FBXL7: variants seen among roughly 807,000 people sequenced by gnomAD.
The protein encoded by FBXL7 is F-box/LRR-repeat protein 7.
A neutral mutation model predicts 38.3 loss-of-function variants in FBXL7; 12 were observed. The ratio of observed to expected loss-of-function variants is 0.31; its 90% confidence interval spans 0.20 to 0.51. The LOEUF is 0.51. Among genes scored for constraint, FBXL7 ranks in the 20% least tolerant of loss-of-function variants. The pLI is 0.98. For synonymous variants in FBXL7, 297 were observed against 300.9 expected, an observed-to-expected ratio of 0.99 and a Z score of 0.13; for missense variants, 567 against 676.4, an observed-to-expected ratio of 0.84 and a Z score of 1.79.
chr5:15,680,675 T>C (rs1016209386), intron 2 of FBXL7, among the ~76,000 whole-genome samples: 2 of 152,156 alleles, frequency 1.3e-5, no homozygotes, highest in African/African-American at 4.8e-5. Flanking sequence ...ACGTCATGAG[T>C]GTGAGCCAGC....
At chr5:15,535,227 A>G (rs1737546508) in intron 1 of FBXL7, among the ~76,000 whole-genome samples, 2 of 152,210 alleles carry the variant, frequency 1.3e-5, no homozygotes, top group African/African-American at 4.8e-5. Flanking sequence ...AGTGAAAAAA[A>G]GCGAAATAAT....
At chr5:15,803,676 C>A (rs1219477033) in intron 2 of FBXL7, among the ~76,000 whole-genome samples, 2 of 152,122 alleles carry the variant, frequency 1.3e-5, no homozygotes, top group South Asian at 2.1e-4. Flanking sequence ...GATGACCTAC[C>A]TAGCCTTTTC....
intron 2 of FBXL7, among the ~76,000 whole-genome samples, chr5:15,789,743 C>G (rs1168205893): frequency 6.6e-6 from 1 of 152,212 alleles, no homozygotes; most frequent in Admixed American, 6.5e-5. Flanking sequence ...AGTTCCCTGA[C>G]TCTGTTCCTA....
At chr5:15,824,914 A>G (rs970153510) in intron 2 of FBXL7, among the ~76,000 whole-genome samples, 1 of 152,226 alleles carries the variant, frequency 6.6e-6, no homozygotes, top group African/African-American at 2.4e-5. Context: ...GATTCTGAGA[A>G]GCTAGAAGAG....
At chr5:15,629,306 T>G (rs1189397396) in intron 2 of FBXL7, among the ~76,000 whole-genome samples, 2 of 151,936 alleles carry the variant, frequency 1.3e-5, no homozygotes, top group Non-Finnish European at 2.9e-5. Flanking sequence ...GAGACACAAG[T>G]ATGGGAGTCA....
intron 1 of FBXL7, among the ~76,000 whole-genome samples, chr5:15,538,435 T>C (rs1737647230): frequency 6.6e-6 from 1 of 152,238 alleles, no homozygotes; most frequent in Non-Finnish European, 1.5e-5. Flanking sequence ...AGGACTATTA[T>C]CTTCAGGGGG....
At chr5:15,885,647 T>C (rs1740645127) in intron 2 of FBXL7, among the ~76,000 whole-genome samples, 1 of 152,262 alleles carries the variant, frequency 6.6e-6, no homozygotes, top group South Asian at 2.1e-4. Flanking sequence ...AATGCCTGGT[T>C]CTGTATCTGT....
chr5:15,651,363 G>A (rs1741704818), intron 2 of FBXL7, among the ~76,000 whole-genome samples: 1 of 152,010 alleles, frequency 6.6e-6, no homozygotes, highest in Non-Finnish European at 1.5e-5. Flanking sequence ...CCAAAGTGCT[G>A]GGATTACAAG....
chr5:15,557,547 G>A (rs569503788), intron 1 of FBXL7, among the ~76,000 whole-genome samples: 1 of 152,298 alleles, frequency 6.6e-6, no homozygotes, highest in East Asian at 1.9e-4. Context: ...CCATTACACT[G>A]TTTCATAAAA....
chr5:15,577,112 C>T (rs567835337), intron 1 of FBXL7, among the ~76,000 whole-genome samples: 2 of 152,292 alleles, frequency 1.3e-5, no homozygotes, highest in Non-Finnish European at 2.9e-5. Context: ...GATAACAATG[C>T]GTCCTAGGAG....
Position 15,877,446 on chromosome 5 carries a change from T to C in FBXL7, c.128-50444T>C, listed in dbSNP as rs571831197. 1.6e-4 allele frequency among the ~76,000 whole-genome samples: 25 copies of C among 152,346 alleles called. No individual in the cohort carries two copies. The South Asian group carries it at 5.2e-3, about 32-fold the overall frequency. On this transcript the variant is annotated intron_variant, in intron 2 of 3. Transcript: ENST00000504595. Reference sequence around the variant, plus strand: ...CCTGTTAATTTTCATGAGGGATTCATTTAATCGTATTTCAATTCCATAGAG... The same window carrying C: ...CCTGTTAATTTTCATGAGGGATTCACTTAATCGTATTTCAATTCCATAGAG...
rs143553498 is a variant in FBXL7 at position 15,639,628 on chromosome 5, T to C, written c.127+23556T>C. On this transcript the variant is annotated intron_variant, in intron 2 of 3. Coordinates refer to ENST00000504595, the MANE Select transcript of FBXL7 (RefSeq NM_012304.5). Reference sequence around the variant, plus strand: ...TATTAGCAGTGTGAAAACAGACTAATACAGACATATACAAAACTCAAGTTT... The same window carrying C: ...TATTAGCAGTGTGAAAACAGACTAACACAGACATATACAAAACTCAAGTTT... 3.2e-3 allele frequency among the ~76,000 whole-genome samples: 485 copies of C among 152,196 alleles called. 3 individuals carry two copies. Among genetic ancestry groups the C allele is most frequent in the African/African-American group, 0.011 (453 of 41,520 alleles).
At chr5:15,923,188 C>T (rs1741792077) in intron 2 of FBXL7, among the ~76,000 whole-genome samples, 1 of 152,208 alleles carries the variant, frequency 6.6e-6, no homozygotes, top group Non-Finnish European at 1.5e-5. Context: ...TGTTTCTACT[C>T]TCAGAAGAAT....
chr5:15,913,673 T>G (rs1235859506), intron 2 of FBXL7, among the ~76,000 whole-genome samples: 4 of 152,224 alleles, frequency 2.6e-5, no homozygotes, highest in Admixed American at 6.5e-5. Flanking sequence ...AAGAATTATC[T>G]GACAATTGAA....
intron 1 of FBXL7, among the ~76,000 whole-genome samples, chr5:15,550,277 G>C (rs955243868): frequency 2.0e-5 from 3 of 152,154 alleles, no homozygotes; most frequent in African/African-American, 7.2e-5. Flanking sequence ...TAAGCTGTTG[G>C]GAGATAGCTG....
At chr5:15,645,296 C>T (rs1216545707) in intron 2 of FBXL7, among the ~76,000 whole-genome samples, 1 of 152,116 alleles carries the variant, frequency 6.6e-6, no homozygotes, top group Non-Finnish European at 1.5e-5. Flanking sequence ...CAACCTGCCT[C>T]CCATTCTACT....
intron 2 of FBXL7, among the ~76,000 whole-genome samples, chr5:15,684,618 G>A (rs1742953928): frequency 6.6e-6 from 1 of 152,224 alleles, no homozygotes. Context: ...GGTAAATCCA[G>A]TGTAATCACT....
chr5:15,677,277 C>T (rs972728292), intron 2 of FBXL7, among the ~76,000 whole-genome samples: 15 of 152,070 alleles, frequency 9.9e-5, no homozygotes, highest in African/African-American at 3.1e-4. Flanking sequence ...AGAGACCAGT[C>T]GGGTTAACAT....
intron 1 of FBXL7, among the ~76,000 whole-genome samples, chr5:15,595,107 C>T (rs192533302): frequency 1.1e-4 from 17 of 152,220 alleles, no homozygotes; most frequent in Middle Eastern, 3.4e-3. Flanking sequence ...AGACTATGAT[C>T]CCAGGGCATG....
Sources: allele counts gnomAD v4.1 joint callset (sites outside exome capture counted in the v4.1 genomes callset), GRCh38; gene constraint gnomAD v4.1.1; transcripts MANE v1.5; gene names NCBI Gene and HGNC (gene_info 2026-07-23, HGNC 2026-07-21).